The following EYA1 variants were observed in gnomAD, a reference collection of about 807,000 sequenced individuals.
EYA1 encodes the protein protein phosphatase EYA1.
Under a neutral mutation model 82.0 loss-of-function variants are expected in EYA1, and 16 were observed. That is an observed-to-expected ratio of 0.20 (90% CI 0.13 to 0.30). EYA1 has a LOEUF of 0.30. Among genes scored for constraint, EYA1 ranks in the 10% least tolerant of loss-of-function variants. The pLI, the probability that EYA1 is intolerant of heterozygous loss-of-function variation, is 1.00. For synonymous variants in EYA1, 261 were observed against 264.4 expected, an observed-to-expected ratio of 0.99 and a Z score of 0.12; for missense variants, 633 against 730.7, an observed-to-expected ratio of 0.87 and a Z score of 1.54.
chr8:71,437,960 T>C (rs2129167715), intron 2 of EYA1, among the ~76,000 whole-genome samples: 1 of 152,264 alleles, frequency 6.6e-6, no homozygotes, highest in East Asian at 1.9e-4. Flanking sequence ...TTAAAATTTG[T>C]GACACATTAA....
chr8:71,537,099 G>T (rs1437323735), intron 1 of EYA1, among the ~76,000 whole-genome samples: 2 of 152,114 alleles, frequency 1.3e-5, no homozygotes, highest in Non-Finnish European at 2.9e-5. Context: ...ATTGTCACTT[G>T]TTTGTTTTGC....
At chr8:71,381,474 T>C (rs1415920621) in intron 2 of EYA1, among the ~76,000 whole-genome samples, 3 of 152,116 alleles carry the variant, frequency 2.0e-5, no homozygotes, top group Non-Finnish European at 2.9e-5. Context: ...GAGGAGAATA[T>C]AACCAGGGGT....
chr8:71,534,736 G>A (rs1411853027), intron 2 of EYA1, among the ~76,000 whole-genome samples: 1 of 152,062 alleles, frequency 6.6e-6, no homozygotes. Flanking sequence ...GGAACAACAT[G>A]CACCAGGGCC....
chr8:71,494,627 T>G (rs2129229024), intron 2 of EYA1, among the ~76,000 whole-genome samples: 1 of 152,148 alleles, frequency 6.6e-6, no homozygotes, highest in African/African-American at 2.4e-5. Flanking sequence ...ATTTGCTCGG[T>G]TTCAAAAGTG....
chr8:71,284,633 T>C (rs1457570149), intron 9 of EYA1, among the ~76,000 whole-genome samples: 1 of 152,210 alleles, frequency 6.6e-6, no homozygotes, highest in Non-Finnish European at 1.5e-5. Context: ...ATTACCCCTC[T>C]GGGCTGTTAC....
chr8:71,353,716 A>G (rs1484531971), intron 3 of EYA1, among the ~76,000 whole-genome samples: 3 of 152,200 alleles, frequency 2.0e-5, no homozygotes, highest in Admixed American at 1.3e-4. Context: ...ATATCACACC[A>G]AAAAACACAA....
At chr8:71,222,218 C>T (rs768436394) in intron 12 of EYA1, among the ~76,000 whole-genome samples, 1 of 152,128 alleles carries the variant, frequency 6.6e-6, no homozygotes, top group Non-Finnish European at 1.5e-5. Context: ...GGATTCACTG[C>T]TGGTAACTCG....
At chr8:71,393,701 G>A (rs1362799332) in intron 2 of EYA1, among the ~76,000 whole-genome samples, 1 of 152,170 alleles carries the variant, frequency 6.6e-6, no homozygotes, top group Non-Finnish European at 1.5e-5. Context: ...ATCACTGATG[G>A]ACATTTGGGT....
At chr8:71,319,716 T>C (rs1822320871) in intron 6 of EYA1, among the ~76,000 whole-genome samples, 2 of 152,156 alleles carry the variant, frequency 1.3e-5, no homozygotes, top group African/African-American at 4.8e-5. Context: ...AGAGTACAAG[T>C]CCTTGGAGAA....
Position 71,216,575 on chromosome 8 carries a change from A to C in EYA1, c.1360+117T>G, listed in dbSNP as rs1420718823. On this transcript the variant is annotated intron_variant, in intron 14 of 17. Transcript: ENST00000340726. ...CAGCAGAATAATGGCCAGTGAGATGAAACTGCCCAAATAGAAGCTATTATA... is the reference window on the plus strand; with the variant it reads ...CAGCAGAATAATGGCCAGTGAGATGCAACTGCCCAAATAGAAGCTATTATA... 5 of 1,108,100 alleles carry C rather than the reference A, an allele frequency of 4.5e-6. No individual in the cohort carries two copies. The African/African-American group carries it at 6.1e-5, about 14-fold the overall frequency. 68.6% of individuals were successfully genotyped at this position (1,108,100 alleles called of 1,614,324 possible).
chr8:71,203,914 C>CT (rs1273040936), intron 17 of EYA1, among the ~76,000 whole-genome samples: 1 of 152,144 alleles, frequency 6.6e-6, no homozygotes, highest in African/African-American at 2.4e-5. Context: ...CAAATCATGT[C>CT]TGAGTGGGCC....
intron 10 of EYA1, among the ~76,000 whole-genome samples, chr8:71,270,946 C>T (rs1281676501): frequency 6.6e-6 from 1 of 151,970 alleles, no homozygotes. Flanking sequence ...GGTGAAATGA[C>T]GTCTCTACTA....
At chr8:71,356,375 G>A in intron 2 of EYA1, 87 bp downstream of exon 2, 1 of 1,147,964 alleles carries the variant, frequency 8.7e-7, no homozygotes, top group Non-Finnish European at 1.3e-6. Flanking sequence ...ACTATTAATA[G>A]AAATAATTAA....
chr8:71,242,197 C>A (rs886997798), intron 12 of EYA1, among the ~76,000 whole-genome samples: 1 of 151,878 alleles, frequency 6.6e-6, no homozygotes, highest in Non-Finnish European at 1.5e-5. Context: ...CAGAGCAAGA[C>A]CCTATCTCAA....
At chr8:71,339,064 T>C (rs768405210) in intron 3 of EYA1, among the ~76,000 whole-genome samples, 25 of 152,206 alleles carry the variant, frequency 1.6e-4, no homozygotes, top group Non-Finnish European at 3.2e-4. Flanking sequence ...ATTAAAATGT[T>C]CAGCTGCACC....
intron 10 of EYA1, 35 bp downstream of exon 10, chr8:71,271,723 C>G: frequency 6.2e-7 from 1 of 1,613,986 alleles, no homozygotes; most frequent in South Asian, 1.1e-5. Context: ...TATTAAGACA[C>G]CTTTCTATTC....
intron 2 of EYA1, chr8:71,449,049 C>T (rs1232758490): frequency 6.0e-6 from 1 of 167,342 alleles, no homozygotes; most frequent in Non-Finnish European, 1.4e-5. Flanking sequence ...CCACAGTTTT[C>T]AAGTACGTGT....
Position 71,265,829 on chromosome 8 carries a change from C to T in EYA1, c.1050+3911G>A, listed in dbSNP as rs148301434. 7.9e-4 allele frequency among the ~76,000 whole-genome samples: 120 copies of T among 152,336 alleles called. 1 individual carries two copies. Among genetic ancestry groups the T allele is most frequent in the South Asian group, 6.8e-3 (33 of 4,830 alleles). On this transcript the variant is annotated intron_variant, in intron 11 of 17. Transcript: ENST00000340726. ...ATACTATTTAAAACATCCTAGTTTACGTAGCACTCACAAGCTCTTCAATTT... is the reference window on the plus strand; with the variant it reads ...ATACTATTTAAAACATCCTAGTTTATGTAGCACTCACAAGCTCTTCAATTT...
chr8:71,507,864 A>G (rs999998485), intron 2 of EYA1, among the ~76,000 whole-genome samples: 2 of 152,244 alleles, frequency 1.3e-5, no homozygotes, highest in East Asian at 3.8e-4. Flanking sequence ...ACCCAGGTCC[A>G]TTCTCAAAGG....
Sources: allele counts gnomAD v4.1 joint callset (sites outside exome capture counted in the v4.1 genomes callset), GRCh38; gene constraint gnomAD v4.1.1; transcripts MANE v1.5; gene names NCBI Gene and HGNC (gene_info 2026-07-23, HGNC 2026-07-21).